The following OTUD7A variants were observed in gnomAD, a reference collection of about 807,000 sequenced individuals.
The protein encoded by OTUD7A is OTU domain-containing protein 7A.
Under a neutral mutation model 65.7 loss-of-function variants are expected in OTUD7A, and 12 were observed. The ratio of observed to expected loss-of-function variants is 0.18; its 90% CI spans 0.12 to 0.30. OTUD7A has a LOEUF of 0.30. Ranked by LOEUF, OTUD7A falls within the 10% of genes least tolerant of loss-of-function variation. The pLI is 1.00. For synonymous variants in OTUD7A, 641 were observed against 586.3 expected (o/e 1.09, Z -1.35); for missense variants, 1,148 against 1,304.8 (o/e 0.88, Z 1.85).
chr15:31,510,021 G>C (rs1383082481), intron 8 of OTUD7A, among the ~76,000 whole-genome samples: 1 of 144,226 alleles, frequency 6.9e-6, no homozygotes, highest in African/African-American at 2.6e-5. Context: ...CCGGTCTTGC[G>C]GCGCAGGCTG....
At chr15:31,495,013 T>C (rs529757529) in intron 10 of OTUD7A, among the ~76,000 whole-genome samples, 1 of 152,276 alleles carries the variant, frequency 6.6e-6, no homozygotes, top group Non-Finnish European at 1.5e-5. Context: ...TGGTATGCGC[T>C]TCCTGTGGGC....
chr15:31,711,300 A>C (rs1161012157), intron 1 of OTUD7A, among the ~76,000 whole-genome samples: 1 of 152,152 alleles, frequency 6.6e-6, no homozygotes, highest in Non-Finnish European at 1.5e-5. Flanking sequence ...CTATTACAAA[A>C]TCAGGGCACA....
At chr15:31,642,538 T>C (rs1430763140) in intron 3 of OTUD7A, among the ~76,000 whole-genome samples, 2 of 152,192 alleles carry the variant, frequency 1.3e-5, no homozygotes, top group African/African-American at 4.8e-5. Context: ...GTGAGAAAGT[T>C]TTCAACTACA....
intron 1 of OTUD7A, among the ~76,000 whole-genome samples, chr15:31,702,197 C>T (rs1362235332): frequency 9.0e-6 from 1 of 111,302 alleles, no homozygotes; most frequent in Non-Finnish European, 1.8e-5. Flanking sequence ...GAATGGTTTT[C>T]CCCTAAGATT....
intron 1 of OTUD7A, among the ~76,000 whole-genome samples, chr15:31,657,751 G>A (rs777312924): frequency 6.6e-6 from 1 of 152,086 alleles, no homozygotes; most frequent in Non-Finnish European, 1.5e-5. Context: ...CTGGGCTGGT[G>A]GGGACATTTG....
chr15:31,488,221 T>G (rs2041267739), intron 10 of OTUD7A, among the ~76,000 whole-genome samples: 1 of 152,144 alleles, frequency 6.6e-6, no homozygotes, highest in African/African-American at 2.4e-5. Context: ...GGGGTCCTTT[T>G]GAGGAGGTCA....
rs534528969 is a variant in OTUD7A, at chr15:31,483,548, C to CCCCCGCCGT, written c.2539_2547dup (p.Thr847_Gly849dup). 4.3e-5 allele frequency: 57 copies of CCCCCGCCGT among 1,314,232 alleles called. No individual in the cohort carries two copies. The highest frequency in any genetic ancestry group is 2.7e-4 in the Middle Eastern group (1 of 3,702). 81.4% of individuals were successfully genotyped at this position (1,314,232 alleles called of 1,614,324 possible). The stretch of plus-strand genomic sequence containing the variant: ...TAGGTCTGCGACTTGTGCTCGGCCG[C>CCCCCGCCGT]CCCCGCCGTCCCCGCCGCGCCCGGT... On this transcript the variant is annotated inframe_insertion, in exon 13 of 13. Transcript: ENST00000307050.
chr15:31,732,272 T>C (rs1014142818), intron 1 of OTUD7A, among the ~76,000 whole-genome samples: 1 of 152,222 alleles, frequency 6.6e-6, no homozygotes, highest in East Asian at 1.9e-4. Flanking sequence ...TATTCCTGAC[T>C]GGTACACATG....
chr15:31,824,416 T>C (rs934385782), intron 1 of OTUD7A, among the ~76,000 whole-genome samples: 9 of 152,170 alleles, frequency 5.9e-5, no homozygotes, highest in African/African-American at 1.9e-4. Context: ...CGGCAAGTCA[T>C]ATTTTTCACT....
At chr15:31,610,762 C>G (rs1890393202) in intron 3 of OTUD7A, among the ~76,000 whole-genome samples, 1 of 150,790 alleles carries the variant, frequency 6.6e-6, no homozygotes, top group Admixed American at 6.6e-5. Flanking sequence ...GCTGGGACTA[C>G]AGGCGCCCGC....
intron 1 of OTUD7A, among the ~76,000 whole-genome samples, chr15:31,799,758 A>G (rs937599327): frequency 6.6e-6 from 1 of 152,142 alleles, no homozygotes; most frequent in Admixed American, 6.5e-5. Context: ...TTACTAAGAC[A>G]GGCTGGAATC....
intron 1 of OTUD7A, among the ~76,000 whole-genome samples, chr15:31,780,904 G>T (rs539897991): frequency 3.9e-5 from 6 of 152,176 alleles, no homozygotes; most frequent in Non-Finnish European, 7.4e-5. Context: ...CACAGGGGAA[G>T]GAATACAGTG....
At chr15:31,733,327 C>G (rs11636624) in intron 1 of OTUD7A, among the ~76,000 whole-genome samples, 30,898 of 151,926 alleles carry the variant, frequency 0.2, 3,585 homozygotes, top group Admixed American at 0.28. Context: ...TCCACCAACA[C>G]CCCCTCCTTT....
At chr15:31,661,614 A>AT (rs1472428038) in intron 1 of OTUD7A, among the ~76,000 whole-genome samples, 2 of 152,248 alleles carry the variant, frequency 1.3e-5, no homozygotes, top group Non-Finnish European at 2.9e-5. Context: ...TCCTGCTCAC[A>AT]TAATTTTGAA....
intron 3 of OTUD7A, among the ~76,000 whole-genome samples, chr15:31,651,333 T>C (rs191470934): frequency 0.012 from 1,836 of 150,888 alleles, 12 homozygotes; most frequent in Non-Finnish European, 0.022. Context: ...CTTCACCTGA[T>C]AAAGACCATC....
At chr15:31,777,939 C>T (rs1392998027) in intron 1 of OTUD7A, among the ~76,000 whole-genome samples, 2 of 152,076 alleles carry the variant, frequency 1.3e-5, no homozygotes. Context: ...ATGAGCACAG[C>T]GGGTGACACA....
In OTUD7A at chr15:31,688,214, CAAAAAA is replaced by C. The variant is rs71424610; in HGVS notation, c.-99-31143_-99-31138del. On this transcript the variant is annotated intron_variant, in intron 1 of 12. Transcript: ENST00000307050. The stretch of plus-strand genomic sequence containing the variant: ...CTGGCGACAGAGCGAGACTCCATCT[CAAAAAA>C]AAAAAAAAAGTAACTTTATAAAGAG... Among the ~76,000 whole-genome samples the C allele has an allele frequency of 4.5e-5, 6 of 134,296 alleles. No individual in the cohort carries two copies. The Middle Eastern group carries it at 0.012, about 260-fold the overall frequency. The allele number at this position is 134,296 out of a possible 152,430, so 88.1% of individuals were successfully genotyped here.
At chr15:31,711,185 T>A (rs201175815) in intron 1 of OTUD7A, among the ~76,000 whole-genome samples, 2 of 151,896 alleles carry the variant, frequency 1.3e-5, no homozygotes, top group Non-Finnish European at 1.5e-5. Flanking sequence ...CAGATGTCTA[T>A]TAGGGAAAGT....
rs113170830 is a variant in OTUD7A, at chr15:31,667,076, T to C, written c.-99-9999A>G. Among the ~76,000 whole-genome samples, 695 of 152,330 alleles carry C rather than the reference T, an allele frequency of 4.6e-3. 3 individuals carry two copies. The highest frequency in any genetic ancestry group is 0.016 in the African/African-American group (668 of 41,582). On this transcript the variant is annotated intron_variant, in intron 1 of 12. Transcript: ENST00000307050. ...ATGGTCTACCTTGGAGAAACTTCCA[T>C]GTGCTGTTGAATAGAATGTGCATTC... is the stretch of plus-strand genomic sequence containing the variant.
Sources: allele counts gnomAD v4.1 joint callset (sites outside exome capture counted in the v4.1 genomes callset), GRCh38; gene constraint gnomAD v4.1.1; transcripts MANE v1.5; gene names NCBI Gene and HGNC (gene_info 2026-07-23, HGNC 2026-07-21).